The following ARID2 variants were observed in gnomAD, a reference collection of about 807,000 sequenced individuals.
The protein encoded by ARID2 is AT-rich interaction domain 2.
Under a neutral mutation model 184.6 loss-of-function variants are expected in ARID2, and 32 were observed. The ratio of observed to expected loss-of-function variants is 0.17; its 90% CI spans 0.13 to 0.23. The LOEUF is 0.23. ARID2 is among the 10% of genes least tolerant of loss of function. The pLI is 1.00. For synonymous variants in ARID2, 836 were observed against 772.6 expected (o/e 1.08, Z -1.36); for missense variants, 1,696 against 2,197.6 (o/e 0.77, Z 4.56).
At chr12:45,745,999 T>A (rs1315528674) in intron 3 of ARID2, among the ~76,000 whole-genome samples, 1 of 152,194 alleles carries the variant, frequency 6.6e-6, no homozygotes, top group Admixed American at 6.5e-5. Flanking sequence ...GTTTTTTTTT[T>A]TAAATAACCA....
intron 20 of ARID2, among the ~76,000 whole-genome samples, chr12:45,897,909 A>G (rs1193425670): frequency 1.3e-5 from 2 of 151,886 alleles, no homozygotes; most frequent in African/African-American, 4.8e-5. Context: ...CAGCGGAGCA[A>G]TCATGGCTCA....
Position 45,790,815 on chromosome 12 carries a change from A to G in ARID2, c.285-20603A>G, listed in dbSNP as rs146947270. 6.4e-4 allele frequency among the ~76,000 whole-genome samples: 97 copies of G among 152,320 alleles called. 1 individual carries two copies. The highest frequency in any genetic ancestry group is 1.8e-3 in the Admixed American group (27 of 15,298). On this transcript the variant is annotated intron_variant, in intron 3 of 20. Transcript: ENST00000334344. Reference sequence around the variant, plus strand: ...CATCTTTGTGGTGTTTCATGTTCTAAAAGAAAAACTTCCATCATTTAGATA... The same window carrying G: ...CATCTTTGTGGTGTTTCATGTTCTAGAAGAAAAACTTCCATCATTTAGATA...
At chr12:45,730,563 G>C (rs1218291948) in intron 2 of ARID2, among the ~76,000 whole-genome samples, 2 of 152,116 alleles carry the variant, frequency 1.3e-5, no homozygotes, top group Non-Finnish European at 2.9e-5. Flanking sequence ...CACAGACTCT[G>C]AGAGCAGTTT....
At chr12:45,772,658 A>G (rs1185297207) in intron 3 of ARID2, among the ~76,000 whole-genome samples, 1 of 152,242 alleles carries the variant, frequency 6.6e-6, no homozygotes, top group Admixed American at 6.5e-5. Context: ...CTAAAAAGGG[A>G]CATTTTATAT....
rs1941069659 is a variant in ARID2, at chr12:45,734,471, A to G, written c.284+3157A>G. 2.0e-5 allele frequency among the ~76,000 whole-genome samples: 3 copies of G among 152,140 alleles called. No individual in the cohort carries two copies. The South Asian group carries it at 6.2e-4, about 31-fold the overall frequency. ...CATGTAGTTCCTTTTCTTGGCATGT[A>G]CATCTCAATGTGTTCCACCAATGTT... is the stretch of plus-strand genomic sequence containing the variant. On this transcript the variant is annotated intron_variant, in intron 3 of 20. Coordinates refer to ENST00000334344, the MANE Select transcript of ARID2 (RefSeq NM_152641.4).
chr12:45,904,689 CAA>C (rs755707280), intron 20 of ARID2, among the ~76,000 whole-genome samples: 451 of 35,650 alleles, frequency 0.013, 4 homozygotes, highest in African/African-American at 0.03. Context: ...GACTCCTTCT[CAA>C]AAAAAAAAAA....
At chr12:45,881,641 G>C (rs1180724018) in intron 16 of ARID2, 1 of 161,244 alleles carries the variant, frequency 6.2e-6, no homozygotes, top group Non-Finnish European at 1.4e-5. Context: ...TCTCCCTTCC[G>C]GTGGATTTTT....
At chr12:45,893,270 C>T (rs1365835968) in intron 18 of ARID2, 150 bp from the exon 19 acceptor site, 30 of 872,840 alleles carry the variant, frequency 3.4e-5, no homozygotes, top group South Asian at 1.2e-4. Context: ...AGAGCATAAA[C>T]GTTAATGCTA....
intron 16 of ARID2, among the ~76,000 whole-genome samples, chr12:45,871,345 T>C (rs1162573983): frequency 6.6e-6 from 1 of 152,240 alleles, no homozygotes; most frequent in African/African-American, 2.4e-5. Context: ...TTATGTCAAA[T>C]GCTTTTCTGC....
chr12:45,901,207 G>A (rs1199774376), intron 20 of ARID2, among the ~76,000 whole-genome samples: 4 of 103,236 alleles, frequency 3.9e-5, no homozygotes, highest in African/African-American at 1.6e-4. Context: ...GTCTCGCTCC[G>A]TTGCCCAGGC....
chr12:45,808,733 G>A lies in ARID2; in HGVS notation c.285-2685G>A, dbSNP rs1052686970. On this transcript the variant is annotated intron_variant, in intron 3 of 20. Transcript: ENST00000334344. ...GCCGTTATTAAAAATGTGTGTTTGC[G>A]TGCGTGTGTGTGTGTGTGTGTGTGT... 6.2e-5 allele frequency among the ~76,000 whole-genome samples: 9 copies of A among 144,770 alleles called. No homozygotes were observed. In the East Asian group the frequency reaches 1.6e-3, roughly 25 times the overall value. 95.0% of individuals were successfully genotyped at this position (144,770 alleles called of 152,430 possible). A position where few individuals can be genotyped will look rare whatever the true frequency, so the allele number is the denominator to read the frequency against.
rs373695302 is a variant in ARID2 at position 45,891,966 on chromosome 12, A to G, written c.5062-45A>G. ...GATCAGTAACTCATTTGACTGCATT[A>G]AAGATTTTGACGTGCCATTCTCTTG... is the stretch of plus-strand genomic sequence containing the variant. On this transcript the variant is annotated intron_variant, in intron 17 of 20. Transcript: ENST00000334344. 6,491 of 1,614,062 alleles carry G rather than the reference A, an allele frequency of 4.0e-3. 296 individuals carry two copies. The South Asian group carries it at 0.067, about 17-fold the overall frequency.
chr12:45,865,240 A>C (rs1943814000), intron 16 of ARID2, among the ~76,000 whole-genome samples: 1 of 152,110 alleles, frequency 6.6e-6, no homozygotes, highest in South Asian at 2.1e-4. Flanking sequence ...TATCATTTTC[A>C]CACCTGTACC....
intron 20 of ARID2, among the ~76,000 whole-genome samples, chr12:45,897,295 A>G (rs957948925): frequency 2.6e-5 from 4 of 152,368 alleles, no homozygotes; most frequent in East Asian, 1.9e-4. Flanking sequence ...CTTAGAAGAA[A>G]ACACAGGGCA....
At chr12:45,756,240 C>T (rs1343057936) in intron 3 of ARID2, among the ~76,000 whole-genome samples, 1 of 152,146 alleles carries the variant, frequency 6.6e-6, no homozygotes, top group African/African-American at 2.4e-5. Context: ...TATTCCTGGA[C>T]ACACATTTGT....
At chr12:45,806,955 A>T (rs958757028) in intron 3 of ARID2, among the ~76,000 whole-genome samples, 3 of 152,192 alleles carry the variant, frequency 2.0e-5, no homozygotes, top group Non-Finnish European at 4.4e-5. Flanking sequence ...ATCTTTTAAA[A>T]AATAGTTGTT....
chr12:45,836,436 A>C (rs142451747), intron 6 of ARID2, among the ~76,000 whole-genome samples, 153 bp from the exon 7 acceptor site: 1 of 152,274 alleles, frequency 6.6e-6, no homozygotes, highest in African/African-American at 2.4e-5. Flanking sequence ...GGCAGGTCTC[A>C]AACTCCCAGC....
chr12:45,753,574 C>T (rs1016283181), intron 3 of ARID2, among the ~76,000 whole-genome samples: 5 of 152,070 alleles, frequency 3.3e-5, no homozygotes, highest in African/African-American at 9.7e-5. Context: ...TTCTGCTGAT[C>T]CTGTAATTGA....
intron 3 of ARID2, among the ~76,000 whole-genome samples, chr12:45,776,781 CTTTT>C: frequency 8.9e-6 from 1 of 112,438 alleles, no homozygotes; most frequent in East Asian, 2.5e-4. Flanking sequence ...GAGATTCCGG[CTTTT>C]TTTTTTTTTT....
Sources: gnomAD v4.1 joint callset for allele counts (sites outside exome capture counted in the v4.1 genomes callset) on GRCh38, gnomAD v4.1.1 for gene constraint, MANE v1.5 for transcripts, NCBI Gene and HGNC (gene_info 2026-07-23, HGNC 2026-07-21) for gene names.